The following DAB1 variants were observed in gnomAD, a reference collection of about 807,000 sequenced individuals.
The protein encoded by DAB1 is DAB adaptor protein 1.
In DAB1, 15 loss-of-function variants were observed where a neutral mutation model predicts 64.6. The ratio of observed to expected loss-of-function variants is 0.23; its 90% confidence interval spans 0.16 to 0.36. DAB1 has a LOEUF of 0.36. Among genes scored for constraint, DAB1 ranks in the 10% least tolerant of loss-of-function variants. The probability of loss-of-function intolerance (pLI) is 1.00; values close to 1 mark genes in which losing one functional copy is unlikely to be tolerated. For missense variants in DAB1, 596 were observed against 706.7 expected (o/e 0.84, Z 1.78); for synonymous variants, 235 against 251.9 (o/e 0.93, Z 0.64).
rs143528296 is a variant in DAB1, at chr1:57,802,386, T to TG, written n.551+81612dup. Among the ~76,000 whole-genome samples, 1,265 of 152,242 alleles carry TG rather than the reference T, an allele frequency of 8.3e-3. 17 individuals are homozygous for TG. The highest frequency in any genetic ancestry group is 0.029 in the African/African-American group (1,207 of 41,522). ...CTGGAGGAAGATGCAGAGACACAAT[T>TG]GGGGTACCAGATTTTAAACAGAGAT... On this transcript the variant is annotated intron_variant and non_coding_transcript_variant, in intron 6 of 20. Coordinates refer to the DAB1 transcript ENST00000485760.
At chr1:57,906,488 G>A (rs1040987153) in intron 5 of DAB1, among the ~76,000 whole-genome samples, 4 of 152,122 alleles carry the variant, frequency 2.6e-5, no homozygotes, top group African/African-American at 7.2e-5. Context: ...TGAGATGAAG[G>A]TGTGTGGTCA....
chr1:57,695,238 G>GAAGA (rs1172189775), intron 6 of DAB1, among the ~76,000 whole-genome samples: 7 of 58,898 alleles, frequency 1.2e-4, no homozygotes, highest in Non-Finnish European at 1.7e-4. Context: ...AGAAAGAAAG[G>GAAGA]AAGAAAGAAA....
chr1:57,956,065 TCAGG>T (rs1645385635), intron 5 of DAB1, among the ~76,000 whole-genome samples: 2 of 152,214 alleles, frequency 1.3e-5, no homozygotes, highest in East Asian at 3.9e-4. Context: ...GCAGTATTGA[TCAGG>T]AAAAGAATCT....
chr1:57,562,829 A>G (rs1357123335), intron 7 of DAB1, among the ~76,000 whole-genome samples: 1 of 152,182 alleles, frequency 6.6e-6, no homozygotes, highest in Non-Finnish European at 1.5e-5. Context: ...GCATTTGGAC[A>G]CTTTGGGCTC....
chr1:57,553,442 G>GAAAGAGAAAGAAAGAA (rs59263518), intron 7 of DAB1, among the ~76,000 whole-genome samples: 1 of 68,154 alleles, frequency 1.5e-5, no homozygotes, highest in Non-Finnish European at 2.8e-5. Flanking sequence ...AAGAAAGAAA[G>GAAAGAGAAAGAAAGAA]AGAAAGAAAG....
intron 7 of DAB1, among the ~76,000 whole-genome samples, chr1:57,517,793 A>AGC (rs1307341774): frequency 6.6e-6 from 1 of 152,244 alleles, no homozygotes; most frequent in African/African-American, 2.4e-5. Flanking sequence ...TAGCCACTAC[A>AGC]GCTAAGGGGG....
intron 1 of DAB1, among the ~76,000 whole-genome samples, chr1:57,332,433 T>C (rs910690208): frequency 6.6e-6 from 1 of 152,220 alleles, no homozygotes; most frequent in African/African-American, 2.4e-5. Context: ...TCTAGTTTTC[T>C]GAGGATAGAA....
chr1:58,376,302 T>C (rs1335440326), intron 3 of DAB1, among the ~76,000 whole-genome samples: 1 of 140,930 alleles, frequency 7.1e-6, no homozygotes, highest in Non-Finnish European at 1.6e-5. Context: ...TCCTGCTTTC[T>C]CTTGTGGGCA....
chr1:57,643,610 C>A (rs974821011), intron 7 of DAB1, among the ~76,000 whole-genome samples: 27 of 152,132 alleles, frequency 1.8e-4, no homozygotes, highest in African/African-American at 6.0e-4. Context: ...TATTTCATTT[C>A]TTCAGCTTCT....
Position 57,496,885 on chromosome 1 carries a change from G to A in DAB1, n.625+152707C>T, listed in dbSNP as rs1003709883. On this transcript the variant is annotated intron_variant and non_coding_transcript_variant, in intron 7 of 20. Coordinates refer to the DAB1 transcript ENST00000485760. ...GTTTCAGTATTTCTTACACAACAAG[G>A]GGTCCAACTCTGAAGGGCAAATCCT... Among the ~76,000 whole-genome samples the A allele has an allele frequency of 3.2e-4, 48 of 152,138 alleles. 1 individual carries two copies. Among genetic ancestry groups the A allele is most frequent in the African/African-American group, 1.2e-3 (48 of 41,430 alleles).
At chr1:57,662,737 G>A (rs1646401860) in intron 6 of DAB1, among the ~76,000 whole-genome samples, 1 of 152,158 alleles carries the variant, frequency 6.6e-6, no homozygotes, top group African/African-American at 2.4e-5. Flanking sequence ...GAATAGTGCG[G>A]GTCAGATGGA....
At chr1:57,513,945 G>A (rs1163733646) in intron 7 of DAB1, among the ~76,000 whole-genome samples, 3 of 152,158 alleles carry the variant, frequency 2.0e-5, no homozygotes, top group African/African-American at 7.2e-5. Context: ...GAGATCATGT[G>A]TGTTTGTCTT....
At chr1:57,311,445 A>T (rs1674693735) in intron 1 of DAB1, among the ~76,000 whole-genome samples, 1 of 152,004 alleles carries the variant, frequency 6.6e-6, no homozygotes, top group Admixed American at 6.6e-5. Flanking sequence ...ATGAAAAGAA[A>T]AAAAAAATCA....
chr1:57,178,374 A>G (rs1662561418), intron 2 of DAB1, among the ~76,000 whole-genome samples: 2 of 152,116 alleles, frequency 1.3e-5, no homozygotes, highest in South Asian at 4.1e-4. Flanking sequence ...AAATTGTAGC[A>G]TATTCATATA....
At chr1:58,008,255 C>G (rs1646615427) in intron 5 of DAB1, among the ~76,000 whole-genome samples, 1 of 152,168 alleles carries the variant, frequency 6.6e-6, no homozygotes, top group Non-Finnish European at 1.5e-5. Context: ...AACCACCACA[C>G]TCCTAATTCC....
At chr1:57,793,644 C>T (rs1316092156) in intron 6 of DAB1, among the ~76,000 whole-genome samples, 1 of 152,094 alleles carries the variant, frequency 6.6e-6, no homozygotes, top group Non-Finnish European at 1.5e-5. Flanking sequence ...GTGAGACAGA[C>T]CAGATTTTAA....
chr1:58,396,815 C>A (rs1644526706), intron 3 of DAB1, among the ~76,000 whole-genome samples: 1 of 152,140 alleles, frequency 6.6e-6, no homozygotes, highest in East Asian at 1.9e-4. Flanking sequence ...GTAATCCCAG[C>A]ACTTTGGGAG....
In DAB1 at chr1:57,112,736, G is replaced by A. The variant is rs937730450; in HGVS notation, c.306+23807C>T. ...GATTAATGTAAGAAGATGTACAAAC[G>A]AATCAATTTTTTTGTTCATTCACTC... is the stretch of plus-strand genomic sequence containing the variant. On this transcript the variant is annotated intron_variant, in intron 4 of 14. Transcript: ENST00000371236. 3.3e-5 allele frequency among the ~76,000 whole-genome samples: 5 copies of A among 151,746 alleles called. 1 individual carries two copies. Among genetic ancestry groups the A allele is most frequent in the South Asian group, 4.2e-4 (2 of 4,798 alleles).
intron 2 of DAB1, among the ~76,000 whole-genome samples, chr1:57,159,856 CAAAAAAA>C (rs398049302): frequency 1.0e-3 from 87 of 86,350 alleles, no homozygotes; most frequent in South Asian, 4.2e-3. Context: ...AGCAGCAAGA[CAAAAAAA>C]AAAAAAAAAA....
Sources: gnomAD v4.1 joint callset for allele counts (sites outside exome capture counted in the v4.1 genomes callset) on GRCh38, gnomAD v4.1.1 for gene constraint, MANE v1.5 for transcripts, NCBI Gene and HGNC (gene_info 2026-07-23, HGNC 2026-07-21) for gene names.